The following OSBPL8 variants were observed in gnomAD, a reference collection of about 807,000 sequenced individuals.
The protein encoded by OSBPL8 is oxysterol binding protein like 8.
A neutral mutation model predicts 125.5 loss-of-function variants in OSBPL8; 59 were observed. That is an observed-to-expected ratio of 0.47 (90% confidence interval 0.38 to 0.58). The LOEUF (loss-of-function observed/expected upper bound fraction) is 0.58, where lower values mean the gene tolerates loss of function less well. Among genes scored for constraint, OSBPL8 ranks in the 20% least tolerant of loss-of-function variants. The pLI is 0.00. For synonymous variants in OSBPL8, 330 were observed against 338.9 expected (o/e 0.97, Z 0.29); for missense variants, 758 against 1,047.8 (o/e 0.72, Z 3.82).
intron 1 of OSBPL8, among the ~76,000 whole-genome samples, chr12:76,504,519 T>C (rs1165991041): frequency 6.6e-6 from 1 of 152,102 alleles, no homozygotes; most frequent in Non-Finnish European, 1.5e-5. Context: ...CAGACCACTC[T>C]TCTTCTGATG....
At chr12:76,455,164 A>C (rs1255251730) in intron 3 of OSBPL8, among the ~76,000 whole-genome samples, 1 of 151,902 alleles carries the variant, frequency 6.6e-6, no homozygotes, top group Non-Finnish European at 1.5e-5. Context: ...AATGGCGTGA[A>C]CCCGGGAGGC....
intron 22 of OSBPL8, among the ~76,000 whole-genome samples, chr12:76,357,839 G>C (rs989620634): frequency 6.6e-6 from 1 of 151,736 alleles, no homozygotes; most frequent in Non-Finnish European, 1.5e-5. Flanking sequence ...AAACTCAGTA[G>C]AGATTATGGC....
At chr12:76,362,442 T>A (rs986567021) in intron 21 of OSBPL8, among the ~76,000 whole-genome samples, 8 of 152,150 alleles carry the variant, frequency 5.3e-5, no homozygotes, top group Non-Finnish European at 1.2e-4. Flanking sequence ...CACATGATTA[T>A]CTCAACAGAT....
chr12:76,369,135 C>T lies in OSBPL8; in HGVS notation c.2328+79G>A. On this transcript the variant is annotated intron_variant, in intron 21 of 23. Coordinates refer to ENST00000261183, the MANE Select transcript of OSBPL8 (RefSeq NM_020841.5). Reference sequence around the variant, plus strand: ...CACCCAAAATTTTAAATTTTGAAACCAAATTTTAGTTGGTTGCTATAGATA... The same window carrying T: ...CACCCAAAATTTTAAATTTTGAAACTAAATTTTAGTTGGTTGCTATAGATA... The T allele has an allele frequency of 2.8e-6, 4 of 1,406,356 alleles. No homozygotes were observed. The African/African-American group carries it at 7.4e-5, about 26-fold the overall frequency. 87.1% of individuals were successfully genotyped at this position (1,406,356 alleles called of 1,614,324 possible).
intron 4 of OSBPL8, among the ~76,000 whole-genome samples, chr12:76,417,301 A>G (rs1054925511): frequency 3.3e-5 from 5 of 152,206 alleles, no homozygotes; most frequent in African/African-American, 1.2e-4. Flanking sequence ...ATTCTTGTGA[A>G]GGAAATCTGG....
At chr12:76,487,794 AAAG>A (rs1417349029) in intron 1 of OSBPL8, among the ~76,000 whole-genome samples, 176 bp from the exon 2 acceptor site, 3 of 152,226 alleles carry the variant, frequency 2.0e-5, no homozygotes, top group Admixed American at 2.0e-4. Flanking sequence ...GAGAAAAATG[AAAG>A]AAGAAAAAAA....
intron 1 of OSBPL8, among the ~76,000 whole-genome samples, chr12:76,548,588 G>A (rs1289341327): frequency 6.6e-6 from 1 of 152,080 alleles, no homozygotes; most frequent in Admixed American, 6.6e-5. Flanking sequence ...GCTAAGCGGA[G>A]GTGTGGCACA....
intron 4 of OSBPL8, among the ~76,000 whole-genome samples, chr12:76,421,521 A>G (rs1375861027): frequency 1.3e-5 from 2 of 152,112 alleles, no homozygotes; most frequent in African/African-American, 2.4e-5. Context: ...GCGTTTCACT[A>G]TCTCAGAAGA....
At chr12:76,544,743 G>T (rs186266827) in intron 1 of OSBPL8, among the ~76,000 whole-genome samples, 362 of 151,852 alleles carry the variant, frequency 2.4e-3, no homozygotes, top group Non-Finnish European at 4.1e-3. Context: ...TATACTAAAA[G>T]AACTTAACAG....
intron 8 of OSBPL8, among the ~76,000 whole-genome samples, chr12:76,395,942 T>A (rs1953774606): frequency 1.3e-5 from 2 of 151,672 alleles, no homozygotes; most frequent in East Asian, 1.9e-4. Context: ...TTAAAATCAT[T>A]AATGGCTTAA....
intron 1 of OSBPL8, among the ~76,000 whole-genome samples, chr12:76,515,934 T>C (rs925793814): frequency 1.3e-5 from 2 of 152,204 alleles, no homozygotes; most frequent in African/African-American, 4.8e-5. Context: ...TTAAGAAATA[T>C]ACTTCTAAAT....
At chr12:76,383,000 T>C (rs923048285) in intron 15 of OSBPL8, among the ~76,000 whole-genome samples, 1 of 152,250 alleles carries the variant, frequency 6.6e-6, no homozygotes, top group African/African-American at 2.4e-5. Context: ...CTGTTTTGAA[T>C]GGTTACATGT....
At chr12:76,432,387 CA>C (rs1392117382) in intron 4 of OSBPL8, among the ~76,000 whole-genome samples, 2 of 151,954 alleles carry the variant, frequency 1.3e-5, no homozygotes, top group African/African-American at 2.4e-5. Flanking sequence ...CAAAATCAGC[CA>C]GGGCAACCCA....
chr12:76,555,782 T>G (rs1206919510), intron 1 of OSBPL8, among the ~76,000 whole-genome samples: 3 of 152,202 alleles, frequency 2.0e-5, no homozygotes, highest in Non-Finnish European at 4.4e-5. Flanking sequence ...CTTCCAAAAC[T>G]CAAGTACTGT....
chr12:76,535,030 T>A (rs960390916), intron 1 of OSBPL8, among the ~76,000 whole-genome samples: 2 of 151,986 alleles, frequency 1.3e-5, no homozygotes, highest in Non-Finnish European at 2.9e-5. Context: ...AAGCCAACAT[T>A]ATAAAACTTC....
chr12:76,552,120 C>T (rs1461568876), intron 1 of OSBPL8, among the ~76,000 whole-genome samples: 1 of 152,042 alleles, frequency 6.6e-6, no homozygotes, highest in African/African-American at 2.4e-5. Flanking sequence ...GATTTCTATT[C>T]ACATTCACTA....
intron 21 of OSBPL8, among the ~76,000 whole-genome samples, chr12:76,368,871 G>A (rs1390880635): frequency 6.6e-6 from 1 of 152,054 alleles, no homozygotes; most frequent in Non-Finnish European, 1.5e-5. Flanking sequence ...TGGAACTAGG[G>A]ACTTACACTG....
At chr12:76,535,228 T>C (rs1950458547) in intron 1 of OSBPL8, among the ~76,000 whole-genome samples, 1 of 151,922 alleles carries the variant, frequency 6.6e-6, no homozygotes. Context: ...ATTAGACAAA[T>C]GACTCAGATT....
In OSBPL8 at chr12:76,394,720, CT is replaced by C; in HGVS notation, c.681del (p.Gly228ValfsTer16). ...TGAGTAATGGATCCAACCGCTTCAC[CT>C]TTTGGACCCTTAATAACAAAATAAA... ...EQSIWAVKGP[K>X]GEAVGSITQP... On this transcript the variant is annotated frameshift_variant, in exon 9 of 24. Transcript: ENST00000261183. LOFTEE classifies it high-confidence loss of function. 1 of 1,610,248 alleles carries C rather than the reference CT, an allele frequency of 6.2e-7. No individual in the cohort carries two copies. The highest frequency in any genetic ancestry group is 8.5e-7 in the Non-Finnish European group (1 of 1,178,486).
Sources: gnomAD v4.1 joint callset for allele counts (sites outside exome capture counted in the v4.1 genomes callset) on GRCh38, gnomAD v4.1.1 for gene constraint, MANE v1.5 for transcripts, NCBI Gene and HGNC (gene_info 2026-07-23, HGNC 2026-07-21) for gene names.